Variants in CALD1 observed in about 807,000 individuals in gnomAD.
CALD1 encodes caldesmon.
CALD1 carries 33 observed loss-of-function variants against 99.9 expected under a neutral mutation model. That is an observed-to-expected ratio of 0.33 (90% confidence interval 0.25 to 0.44). CALD1 has a LOEUF of 0.44. Ranked by LOEUF, CALD1 falls within the 20% of genes least tolerant of loss-of-function variation. The pLI is 1.00. For synonymous variants in CALD1, 310 were observed against 325.0 expected (o/e 0.95, Z 0.50); for missense variants, 861 against 962.1 (o/e 0.89, Z 1.39).
At chr7:134,932,860 G>A (rs965446928) in intron 4 of CALD1, 128 bp from the exon 5 acceptor site, 11 of 611,052 alleles carry the variant, frequency 1.8e-5, no homozygotes, top group East Asian at 1.1e-4. Flanking sequence ...AAATGGTAAC[G>A]TACTGGGGAT....
chr7:134,712,256 C>T, the CALD1 span, among the ~76,000 whole-genome samples: 1 of 152,196 alleles, frequency 6.6e-6, no homozygotes, highest in South Asian at 2.1e-4. Flanking sequence ...CTTCATCAGA[C>T]ATCTCTCTCA....
intron 1 of CALD1, among the ~76,000 whole-genome samples, chr7:134,797,717 C>T (rs1421365914): frequency 2.6e-5 from 4 of 152,102 alleles, no homozygotes; most frequent in Admixed American, 1.3e-4. Flanking sequence ...CTCAGCCTCC[C>T]GAGTAACTGG....
At chr7:134,723,204 G>A in the CALD1 span, among the ~76,000 whole-genome samples, 4 of 152,220 alleles carry the variant, frequency 2.6e-5, no homozygotes, top group East Asian at 3.9e-4. Context: ...ATACCTCCTC[G>A]AGGCATATCA....
upstream of CALD1, among the ~76,000 whole-genome samples, chr7:134,776,160 A>AT (rs1796917401): frequency 6.6e-6 from 1 of 151,708 alleles, no homozygotes; most frequent in Admixed American, 6.6e-5. Flanking sequence ...TATCTAGCAC[A>AT]TTTTTTTAGT....
chr7:134,793,779 T>A (rs1797634563), intron 1 of CALD1, among the ~76,000 whole-genome samples: 1 of 152,138 alleles, frequency 6.6e-6, no homozygotes, highest in African/African-American at 2.4e-5. Flanking sequence ...TTTCCACAAA[T>A]CTCTCTTCAC....
Position 134,941,173 on chromosome 7 carries a change from G to A in CALD1, c.1468G>A (p.Glu490Lys). 1 of 1,613,040 alleles carries A rather than the reference G, an allele frequency of 6.2e-7. No individual in the cohort carries two copies. Among genetic ancestry groups the A allele is most frequent in the East Asian group, 2.2e-5 (1 of 44,866 alleles). Reference protein sequence around the residue: ...SFMDRKKGFTEVKSQNGEFMT... With the variant: ...SFMDRKKGFTKVKSQNGEFMT... ...CATGGATCGAAAGAAGGGATTTACA[G>A]AAGTTAAGTCGCAGAATGGAGAATT... is the stretch of plus-strand genomic sequence containing the variant. The change falls in exon 7 of 15, where the codon GAA (glutamate) becomes AAA (lysine). Residue 490 changes from glutamate (E) to lysine (K), a missense_variant. Transcript: ENST00000361675.
intron 14 of CALD1, 31 bp downstream of exon 14, chr7:134,965,417 G>C: frequency 9.3e-7 from 1 of 1,081,034 alleles, no homozygotes; most frequent in Non-Finnish European, 1.4e-6. Flanking sequence ...GTATTTCAGA[G>C]GTTTGTTTTC....
chr7:134,761,003 T>C (rs758621671), intron 1 of CALD1, among the ~76,000 whole-genome samples: 1 of 152,108 alleles, frequency 6.6e-6, no homozygotes, highest in Non-Finnish European at 1.5e-5. Flanking sequence ...GGAGGCCTCT[T>C]AGAGAACAGG....
chr7:134,946,733 T>G (rs1806905744), intron 7 of CALD1, among the ~76,000 whole-genome samples: 1 of 151,570 alleles, frequency 6.6e-6, no homozygotes, highest in Admixed American at 6.6e-5. Flanking sequence ...CAGGCTGGAG[T>G]GCAGTGGCAC....
chr7:134,819,650 T>A (rs781239361), intron 1 of CALD1, among the ~76,000 whole-genome samples: 1 of 152,222 alleles, frequency 6.6e-6, no homozygotes, highest in Non-Finnish European at 1.5e-5. Flanking sequence ...CTTTGGGAAA[T>A]TCAATCAGCA....
rs770353468 is a variant in CALD1, at chr7:134,834,717, A to C, written c.-129-9167A>C. On this transcript the variant is annotated intron_variant, in intron 1 of 14. Transcript: ENST00000361675. ...TAACCCATTTGTGATGTCACTAGGC[A>C]CTTGGAAATCAGCCCACAAATGGCT... Among the ~76,000 whole-genome samples the C allele has an allele frequency of 5.4e-4, 83 of 152,336 alleles. 2 individuals are homozygous for C. The highest frequency in any genetic ancestry group is 7.2e-4 in the Admixed American group (11 of 15,304).
intron 1 of CALD1, chr7:134,744,449 T>TTGTG: frequency 8.8e-6 from 1 of 113,808 alleles, no homozygotes; most frequent in South Asian, 2.9e-4. Flanking sequence ...TATCAGGAAG[T>TTGTG]CGTGTGTGTG....
At chr7:134,910,026 C>G (rs1475985256) in intron 3 of CALD1, among the ~76,000 whole-genome samples, 2 of 152,082 alleles carry the variant, frequency 1.3e-5, no homozygotes, top group Admixed American at 1.3e-4. Context: ...AACACAATGT[C>G]ATTTTGGAGT....
At chr7:134,791,666 A>G (rs965650319) in intron 1 of CALD1, among the ~76,000 whole-genome samples, 1 of 134,074 alleles carries the variant, frequency 7.5e-6, no homozygotes, top group African/African-American at 2.6e-5. Context: ...GAAATGAAAA[A>G]CAAAAAACAA....
intron 1 of CALD1, among the ~76,000 whole-genome samples, chr7:134,784,318 G>A (rs560016971): frequency 2.8e-4 from 43 of 152,232 alleles, no homozygotes; most frequent in Non-Finnish European, 5.1e-4. Flanking sequence ...ATTCCCCCTC[G>A]CTTGTCTCAA....
At chr7:134,949,139 T>G (rs1319633039) in intron 8 of CALD1, among the ~76,000 whole-genome samples, 2 of 152,198 alleles carry the variant, frequency 1.3e-5, no homozygotes, top group African/African-American at 2.4e-5. Context: ...AATTAGTAGG[T>G]ATCATTATTG....
intron 1 of CALD1, among the ~76,000 whole-genome samples, chr7:134,812,042 G>C (rs1193713905): frequency 6.6e-6 from 1 of 152,160 alleles, no homozygotes; most frequent in African/African-American, 2.4e-5. Flanking sequence ...CGGCATCTTG[G>C]CAACATATTT....
intron 3 of CALD1, among the ~76,000 whole-genome samples, chr7:134,900,555 T>A (rs1802915861): frequency 6.6e-6 from 1 of 152,090 alleles, no homozygotes; most frequent in Admixed American, 6.5e-5. Flanking sequence ...GGCCTAGCCC[T>A]CGCAGCACTA....
At chr7:134,856,443 T>C (rs1245997718) in intron 2 of CALD1, among the ~76,000 whole-genome samples, 1 of 152,198 alleles carries the variant, frequency 6.6e-6, no homozygotes, top group Non-Finnish European at 1.5e-5. Context: ...ATGTTTCTAA[T>C]TACTGAGCAT....
Sources: allele counts gnomAD v4.1 joint callset (sites outside exome capture counted in the v4.1 genomes callset), GRCh38; gene constraint gnomAD v4.1.1; transcripts MANE v1.5; gene names NCBI Gene and HGNC (gene_info 2026-07-23, HGNC 2026-07-21).